The following COX10 variants were observed in gnomAD, a reference collection of about 807,000 sequenced individuals.
COX10 encodes protoheme IX farnesyltransferase, mitochondrial.
In COX10, 27 loss-of-function variants were observed where a neutral mutation model predicts 37.3. The ratio of observed to expected loss-of-function variants is 0.72; its 90% confidence interval spans 0.53 to 1.00. The LOEUF is 1.00. COX10 is among the 50% of genes least tolerant of loss of function. The pLI is 0.00. For synonymous variants in COX10, 222 were observed against 229.1 expected, an observed-to-expected ratio of 0.97 and a Z score of 0.28; for missense variants, 475 against 563.2, an observed-to-expected ratio of 0.84 and a Z score of 1.59.
intron 4 of COX10, among the ~76,000 whole-genome samples, chr17:14,159,623 T>A (rs1905129056): frequency 6.6e-6 from 1 of 152,204 alleles, no homozygotes; most frequent in Non-Finnish European, 1.5e-5. Context: ...TGGCTACTTG[T>A]ATGTTTAACA....
chr17:14,086,782 C>A (rs570310635), intron 3 of COX10, among the ~76,000 whole-genome samples: 34 of 152,212 alleles, frequency 2.2e-4, no homozygotes, highest in African/African-American at 8.2e-4. Flanking sequence ...CTTCCTCATA[C>A]TTCCTCATCA....
intron 4 of COX10, among the ~76,000 whole-genome samples, chr17:14,111,867 C>G (rs1161738055): frequency 6.6e-6 from 1 of 152,094 alleles, no homozygotes; most frequent in Admixed American, 6.6e-5. Flanking sequence ...CTGATGTAAT[C>G]TACTAACTTA....
intron 4 of COX10, among the ~76,000 whole-genome samples, chr17:14,131,997 C>T (rs561167085): frequency 7.9e-4 from 120 of 152,034 alleles, no homozygotes; most frequent in Middle Eastern, 3.4e-3. Context: ...TAAATATGTA[C>T]ATTGTTGTCA....
At chr17:14,090,727 T>C (rs1411459627) in intron 3 of COX10, among the ~76,000 whole-genome samples, 3 of 152,206 alleles carry the variant, frequency 2.0e-5, no homozygotes, top group Non-Finnish European at 4.4e-5. Flanking sequence ...AACTTTGACA[T>C]CACTTTTGGG....
chr17:14,203,094 T>C (rs1414759413), intron 6 of COX10, among the ~76,000 whole-genome samples: 1 of 152,162 alleles, frequency 6.6e-6, no homozygotes, highest in Non-Finnish European at 1.5e-5. Flanking sequence ...TGCCACTGCC[T>C]TTCTAGCACC....
At chr17:14,085,301 G>A (rs994301456) in intron 3 of COX10, among the ~76,000 whole-genome samples, 2 of 152,106 alleles carry the variant, frequency 1.3e-5, no homozygotes, top group Admixed American at 1.3e-4. Context: ...TAAAAATGGG[G>A]TTATATTACA....
At chr17:14,082,028 T>C (rs1915307508) in intron 3 of COX10, among the ~76,000 whole-genome samples, 1 of 152,156 alleles carries the variant, frequency 6.6e-6, no homozygotes, top group Non-Finnish European at 1.5e-5. Flanking sequence ...AGGCAAGAGC[T>C]CAGAGAGAAT....
chr17:14,188,102 CTTTTTTT>C (rs1157321131), intron 5 of COX10, among the ~76,000 whole-genome samples: 2 of 123,658 alleles, frequency 1.6e-5, no homozygotes, highest in Non-Finnish European at 1.7e-5. Flanking sequence ...CCTTCTTCTT[CTTTTTTT>C]TTTTTTTTTT....
Position 14,207,370 on chromosome 17 carries a change from A to C in COX10, c.*157A>C. 1 of 899,916 alleles carries C rather than the reference A, an allele frequency of 1.1e-6. No homozygotes were observed. Among genetic ancestry groups the C allele is most frequent in the Non-Finnish European group, 1.6e-6 (1 of 622,638 alleles). 55.7% of individuals were successfully genotyped at this position (899,916 alleles called of 1,614,324 possible). On this transcript the variant is annotated 3_prime_UTR_variant, in exon 7 of 7. Coordinates refer to ENST00000261643, the MANE Select transcript of COX10 (RefSeq NM_001303.4). Reference sequence around the variant, plus strand: ...TTGACAGTTTTTTTTTTTTTTAAATATTACCCAAAATGCTCCCCAAATAAG... The same window carrying C: ...TTGACAGTTTTTTTTTTTTTTAAATCTTACCCAAAATGCTCCCCAAATAAG...
chr17:14,102,071 G>A (rs1260380649), intron 3 of COX10, 47 bp from the exon 4 acceptor site: 6 of 1,613,012 alleles, frequency 3.7e-6, no homozygotes, highest in Middle Eastern at 1.7e-4. Context: ...CTTTACAGTT[G>A]GGACTCCTGT....
chr17:14,183,914 A>G (rs1348917737), intron 5 of COX10, among the ~76,000 whole-genome samples: 7 of 152,362 alleles, frequency 4.6e-5, no homozygotes, highest in Non-Finnish European at 8.8e-5. Context: ...ACTGCTGTAC[A>G]GCTACACTTA....
Position 14,090,110 on chromosome 17 carries a change from T to C in COX10, c.500-12008T>C, listed in dbSNP as rs994794366. On this transcript the variant is annotated intron_variant, in intron 3 of 6. Transcript: ENST00000261643. ...TGACACCTGGGGTCCTCTTAGATTCTGCAAGTCCAAGCAGATCTCCCTCTA... is the reference window on the plus strand; with the variant it reads ...TGACACCTGGGGTCCTCTTAGATTCCGCAAGTCCAAGCAGATCTCCCTCTA... Among the ~76,000 whole-genome samples, 6 of 152,034 alleles carry C rather than the reference T, an allele frequency of 3.9e-5. No homozygotes were observed. The East Asian group carries it at 5.9e-4, about 15-fold the overall frequency.
intron 4 of COX10, among the ~76,000 whole-genome samples, chr17:14,121,618 C>T (rs1488708823): frequency 6.6e-5 from 10 of 152,130 alleles, no homozygotes; most frequent in African/African-American, 2.4e-4. Flanking sequence ...TAGTATCTAC[C>T]TGCATCATTT....
chr17:14,192,705 G>A (rs916444343), intron 6 of COX10, among the ~76,000 whole-genome samples: 15 of 151,932 alleles, frequency 9.9e-5, no homozygotes, highest in African/African-American at 2.7e-4. Flanking sequence ...TGCTTAAATC[G>A]TTCATACTGT....
At position 14,162,562 on chromosome 17, in the gene COX10, T is replaced by C. The variant is rs556300474; in HGVS notation, c.695+2615T>C. 5.3e-5 allele frequency among the ~76,000 whole-genome samples: 8 copies of C among 151,902 alleles called. No homozygotes were observed. The South Asian group carries it at 1.5e-3, about 28-fold the overall frequency. On this transcript the variant is annotated intron_variant, in intron 5 of 6. Transcript: ENST00000261643. ...CTTATATTTACCTCTAAGTCTGATA[T>C]AGAAAAATCAGCACATGTTTTACGT... is the stretch of plus-strand genomic sequence containing the variant.
intron 3 of COX10, among the ~76,000 whole-genome samples, chr17:14,079,862 ATG>A (rs1345738093): frequency 4.9e-5 from 7 of 143,276 alleles, no homozygotes; most frequent in South Asian, 2.1e-4. Flanking sequence ...ATATATATGT[ATG>A]TATGTATGTA....
At chr17:14,082,781 C>CTT (rs1915324937) in intron 3 of COX10, among the ~76,000 whole-genome samples, 1 of 152,158 alleles carries the variant, frequency 6.6e-6, no homozygotes, top group South Asian at 2.1e-4. Flanking sequence ...TCATGGTGTG[C>CTT]TTGTTAAAAC....
intron 6 of COX10, among the ~76,000 whole-genome samples, chr17:14,201,870 A>G (rs1437742936): frequency 1.3e-5 from 2 of 152,206 alleles, no homozygotes; most frequent in Non-Finnish European, 2.9e-5. Flanking sequence ...CCACGCCCCA[A>G]GACTCTGACA....
At chr17:14,111,073 T>G (rs1915997434) in intron 4 of COX10, among the ~76,000 whole-genome samples, 1 of 152,262 alleles carries the variant, frequency 6.6e-6, no homozygotes, top group East Asian at 1.9e-4. Flanking sequence ...CTTTTGAGAC[T>G]TCTTTGTCTG....
Sources: allele counts gnomAD v4.1 joint callset (sites outside exome capture counted in the v4.1 genomes callset), GRCh38; gene constraint gnomAD v4.1.1; transcripts MANE v1.5; gene names NCBI Gene and HGNC (gene_info 2026-07-23, HGNC 2026-07-21).